The following LAMA3 variants were observed in gnomAD, a reference collection of about 807,000 sequenced individuals.
The protein encoded by LAMA3 is laminin subunit alpha-3.
In LAMA3, 281 loss-of-function variants were observed where a neutral mutation model predicts 402.0. The observed-to-expected ratio is 0.70, with a 90% CI of 0.63 to 0.77. The LOEUF is 0.77. LAMA3 is among the 30% of genes least tolerant of loss of function. The probability of loss-of-function intolerance (pLI) is 0.00; values close to 1 mark genes in which losing one functional copy is unlikely to be tolerated. For missense variants in LAMA3, 3,840 were observed against 4,215.5 expected, an observed-to-expected ratio of 0.91 and a Z score of 2.47; for synonymous variants, 1,431 against 1,558.4, an observed-to-expected ratio of 0.92 and a Z score of 1.93.
rs773700152 is a variant in LAMA3 at position 23,819,978 on chromosome 18, C to T, written c.2285C>T (p.Ala762Val). 5.6e-6 allele frequency: 9 copies of T among 1,613,950 alleles called. No individual in the cohort carries two copies. The Admixed American group carries it at 1.3e-4, about 24-fold the overall frequency. ...AFPEFSWRGYAQMTSVQNDVR... is the reference protein window; with the variant it reads ...AFPEFSWRGYVQMTSVQNDVR... Reference sequence around the variant, plus strand: ...CCTGAGTTTAGCTGGAGAGGATATGCCCAAATGACCTCAGTACAGGTACGC... The same window carrying T: ...CCTGAGTTTAGCTGGAGAGGATATGTCCAAATGACCTCAGTACAGGTACGC... The change falls in exon 19 of 75, where the codon GCC becomes GTC. Residue 762 changes from alanine to valine, a missense_variant. Ala to Val is a moderately conservative substitution (Grantham distance 64, BLOSUM62 0). Around this residue, in one of 3 missense-constraint regions of LAMA3, gnomAD observed 2,109 missense variants for 2,376.0 expected, o/e 0.89. Coordinates refer to ENST00000313654, the MANE Select transcript of LAMA3 (RefSeq NM_198129.4).
At chr18:23,737,520 G>A (rs2061495504) in intron 2 of LAMA3, among the ~76,000 whole-genome samples, 1 of 152,228 alleles carries the variant, frequency 6.6e-6, no homozygotes, top group African/African-American at 2.4e-5. Context: ...GAACATTTAT[G>A]TGGGGGCATT....
At chr18:23,734,266 G>C (rs2061437688) in intron 2 of LAMA3, among the ~76,000 whole-genome samples, 1 of 152,286 alleles carries the variant, frequency 6.6e-6, no homozygotes, top group Non-Finnish European at 1.5e-5. Flanking sequence ...TGAATGTCCT[G>C]TGTCTTTAAC....
intron 42 of LAMA3, among the ~76,000 whole-genome samples, chr18:23,891,865 C>T (rs768477224): frequency 5.3e-4 from 81 of 152,060 alleles, no homozygotes; most frequent in Non-Finnish European, 3.4e-4. Context: ...TAAGTCCTCA[C>T]GTGAGAGTTA....
chr18:23,741,578 T>G (rs544911147), intron 2 of LAMA3, among the ~76,000 whole-genome samples: 1 of 152,348 alleles, frequency 6.6e-6, no homozygotes, highest in South Asian at 2.1e-4. Flanking sequence ...GGTTCTATAT[T>G]TAGTGACTTA....
intron 34 of LAMA3, among the ~76,000 whole-genome samples, chr18:23,859,576 T>C (rs1448882890): frequency 6.6e-6 from 1 of 152,122 alleles, no homozygotes; most frequent in African/African-American, 2.4e-5. Context: ...CTGTTTATTA[T>C]AAAGAATATG....
At chr18:23,810,214 C>A in intron 12 of LAMA3, 152 bp from the exon 13 acceptor site, 1 of 851,688 alleles carries the variant, frequency 1.2e-6, no homozygotes, top group Non-Finnish European at 2.0e-6. Flanking sequence ...AGTTGAGTGG[C>A]TTGTTTCAGG....
chr18:23,847,683 T>A lies in LAMA3; in HGVS notation c.4136+15T>A. 1 of 1,609,878 alleles carries A rather than the reference T, an allele frequency of 6.2e-7. No individual in the cohort carries two copies. The highest frequency in any genetic ancestry group is 2.2e-5 in the East Asian group (1 of 44,758). ...GGGCAGTGCAGGTGAGCTGGGGGAGTAGCCTGTCTGCTTCTGTCACAGGGA... is the reference window on the plus strand; with the variant it reads ...GGGCAGTGCAGGTGAGCTGGGGGAGAAGCCTGTCTGCTTCTGTCACAGGGA... On this transcript the variant is annotated intron_variant, in intron 32 of 74. Transcript: ENST00000313654.
At chr18:23,733,283 G>A (rs900667805) in intron 2 of LAMA3, among the ~76,000 whole-genome samples, 3 of 152,164 alleles carry the variant, frequency 2.0e-5, no homozygotes, top group African/African-American at 7.2e-5. Flanking sequence ...TTTTCATGCT[G>A]CTGATAAAGA....
intron 32 of LAMA3, among the ~76,000 whole-genome samples, chr18:23,849,056 G>A (rs1048351120): frequency 7.2e-5 from 11 of 152,176 alleles, no homozygotes; most frequent in East Asian, 1.9e-4. Context: ...AAGGCCCACC[G>A]TACTCTGGTA....
chr18:23,952,934 A>T, intron 73 of LAMA3, 56 bp from the exon 74 acceptor site: 1 of 1,611,546 alleles, frequency 6.2e-7, no homozygotes, highest in Non-Finnish European at 8.5e-7. Flanking sequence ...TCAATGGTGT[A>T]GACATTAAGC....
chr18:23,692,337 T>A (rs2060605366), intron 1 of LAMA3, among the ~76,000 whole-genome samples: 1 of 152,234 alleles, frequency 6.6e-6, no homozygotes, highest in African/African-American at 2.4e-5. Flanking sequence ...AGTGGCACGG[T>A]CTCAGCTCAC....
chr18:23,859,325 C>T (rs902787286), intron 34 of LAMA3, among the ~76,000 whole-genome samples: 5 of 152,138 alleles, frequency 3.3e-5, no homozygotes, highest in African/African-American at 7.2e-5. Flanking sequence ...CCAGACACTC[C>T]GGGGTGTCCT....
At chr18:23,766,076 AT>A (rs2062070114) in intron 8 of LAMA3, among the ~76,000 whole-genome samples, 1 of 152,164 alleles carries the variant, frequency 6.6e-6, no homozygotes, top group Non-Finnish European at 1.5e-5. Context: ...AATACCTCAA[AT>A]TTTGCAATAG....
At chr18:23,915,258 A>G (rs2081572541) in intron 58 of LAMA3, 31 bp from the exon 59 acceptor site, 4 of 1,610,350 alleles carry the variant, frequency 2.5e-6, no homozygotes, top group South Asian at 1.1e-5. Flanking sequence ...CCTTTGTTCA[A>G]TTGGTGGAAG....
chr18:23,816,283 G>A, intron 17 of LAMA3, 105 bp from the exon 18 acceptor site: 1 of 811,278 alleles, frequency 1.2e-6, no homozygotes, highest in Non-Finnish European at 2.1e-6. Flanking sequence ...AAGAAGGCAG[G>A]CACTGTGTCA....
At chr18:23,781,722 A>G (rs2062441962) in intron 11 of LAMA3, among the ~76,000 whole-genome samples, 2 of 152,184 alleles carry the variant, frequency 1.3e-5, no homozygotes, top group Admixed American at 6.5e-5. Context: ...TCCGGTGATA[A>G]GAATGCTGTC....
chr18:23,953,258 G>T, intron 74 of LAMA3, 149 bp downstream of exon 74: 2 of 1,048,552 alleles, frequency 1.9e-6, no homozygotes, highest in Non-Finnish European at 2.9e-6. Flanking sequence ...TTGCTGGAAA[G>T]GAGCACTTGT....
At chr18:23,771,000 A>G (rs1255618072) in intron 8 of LAMA3, among the ~76,000 whole-genome samples, 1 of 150,982 alleles carries the variant, frequency 6.6e-6, no homozygotes, top group Non-Finnish European at 1.5e-5. Flanking sequence ...CTACTTTGGG[A>G]AAACGGCCAT....
intron 2 of LAMA3, among the ~76,000 whole-genome samples, chr18:23,739,553 T>C (rs2061529619): frequency 6.6e-6 from 1 of 152,194 alleles, no homozygotes; most frequent in South Asian, 2.1e-4. Context: ...TAGCCAAGGA[T>C]GCTGAATCTT....
Sources: allele counts gnomAD v4.1 joint callset (sites outside exome capture counted in the v4.1 genomes callset), GRCh38; gene constraint gnomAD v4.1.1; regional missense constraint gnomAD v4.1.1; transcripts MANE v1.5; gene names NCBI Gene and HGNC (gene_info 2026-07-23, HGNC 2026-07-21).